Variants in XPO6 observed in about 807,000 individuals in gnomAD.
XPO6 encodes the protein exportin 6.
In XPO6, 3 loss-of-function variants were observed where a neutral mutation model predicts 130.0. The observed-to-expected ratio is 0.02, with a 90% CI of 0.01 to 0.06. The LOEUF (loss-of-function observed/expected upper bound fraction) is 0.06. XPO6 is among the 10% of genes least tolerant of loss of function. XPO6 has a pLI of 1.00. For missense variants in XPO6, 970 were observed against 1,393.0 expected (o/e 0.70, Z 4.83); for synonymous variants, 524 against 548.9 (o/e 0.95, Z 0.63).
chr16:28,162,259 A>G (rs1380979046), intron 6 of XPO6, among the ~76,000 whole-genome samples: 1 of 152,244 alleles, frequency 6.6e-6, no homozygotes, highest in Non-Finnish European at 1.5e-5. Flanking sequence ...TTTCTCCATA[A>G]AAACGATTTT....
intron 4 of XPO6, among the ~76,000 whole-genome samples, chr16:28,175,053 C>T (rs2043512268): frequency 6.6e-6 from 1 of 152,178 alleles, no homozygotes; most frequent in South Asian, 2.1e-4. Flanking sequence ...AAACTGAATT[C>T]ACCATCTTCT....
At chr16:28,167,404 C>T in intron 5 of XPO6, 1 of 984,492 alleles carries the variant, frequency 1.0e-6, no homozygotes, top group Non-Finnish European at 1.2e-6. Flanking sequence ...CAGGCTTCAG[C>T]TCACCCGACA....
At chr16:28,171,985 G>A (rs1022791283) in intron 4 of XPO6, among the ~76,000 whole-genome samples, 5 of 151,816 alleles carry the variant, frequency 3.3e-5, no homozygotes, top group Admixed American at 6.6e-5. Context: ...GAAATGACTC[G>A]TAATGCCAAA....
chr16:28,135,830 C>T (rs192395408), intron 9 of XPO6, among the ~76,000 whole-genome samples: 12 of 152,224 alleles, frequency 7.9e-5, no homozygotes. Context: ...TAAGGAAGGC[C>T]TCATTTTTGC....
chr16:28,158,738 GC>G (rs985265633), intron 6 of XPO6, among the ~76,000 whole-genome samples: 69 of 152,104 alleles, frequency 4.5e-4, no homozygotes, highest in African/African-American at 1.4e-3. Context: ...AAATCATCAG[GC>G]CCCATCCCAC....
intron 5 of XPO6, chr16:28,167,015 C>CTA (rs1400616222): frequency 3.2e-6 from 2 of 616,474 alleles, no homozygotes; most frequent in Non-Finnish European, 4.1e-6. Context: ...CCATCCTCTG[C>CTA]CCATGAGTCA....
rs1349620950 is a variant in XPO6, at chr16:28,132,071, G to A, written c.1606+263C>T. Among the ~76,000 whole-genome samples the A allele has an allele frequency of 1.3e-5, 2 of 152,228 alleles. No homozygotes were observed. Among genetic ancestry groups the A allele is most frequent in the Non-Finnish European group, 2.9e-5 (2 of 68,034 alleles). ...AAGGAAACTAATTAGAGGCTTTTTA[G>A]TAAGTCCTGTCTCTTTACTCCAAAT... On this transcript the variant is annotated intron_variant, in intron 12 of 23. Transcript: ENST00000304658. The surrounding 1 kb of genome is among the most constrained non-coding windows in gnomAD (Gnocchi z 4.0).
intron 11 of XPO6, among the ~76,000 whole-genome samples, chr16:28,133,324 G>C (rs202134274): frequency 3.4e-5 from 5 of 148,596 alleles, no homozygotes; most frequent in Non-Finnish European, 7.5e-5. Flanking sequence ...GGGAGACAGC[G>C]TGAGACTCCG....
intron 17 of XPO6, 193 bp downstream of exon 17, chr16:28,111,624 G>C: frequency 1.8e-6 from 1 of 542,102 alleles, no homozygotes; most frequent in Non-Finnish European, 3.2e-6. Flanking sequence ...CTGGAAATAG[G>C]TCTGGCTGCT....
chr16:28,101,244 A>T lies in XPO6; in HGVS notation c.3276+214T>A. The T allele has an allele frequency of 4.7e-6, 3 of 634,984 alleles. No individual in the cohort carries two copies. The allele number at this position is 634,984 out of a possible 1,614,324, so 39.3% of individuals were successfully genotyped here. On this transcript the variant is annotated intron_variant, in intron 23 of 23. Coordinates refer to ENST00000304658, the MANE Select transcript of XPO6 (RefSeq NM_015171.4). The surrounding 1 kb of genome is among the most constrained non-coding windows in gnomAD (Gnocchi z 5.4). ...GACCTCCATGGCTGAGACTAAGAAC[A>T]TACGTGCTACAGACACCAAGACTGG...
chr16:28,143,994 C>T (rs531275513), intron 9 of XPO6, among the ~76,000 whole-genome samples: 1 of 152,250 alleles, frequency 6.6e-6, no homozygotes, highest in East Asian at 1.9e-4. Flanking sequence ...ATTCTCACAA[C>T]AAGCTTGAGA....
At chr16:28,130,692 G>C (rs1329222680) in intron 12 of XPO6, among the ~76,000 whole-genome samples, 1 of 152,054 alleles carries the variant, frequency 6.6e-6, no homozygotes, top group Non-Finnish European at 1.5e-5. Context: ...GCCGAGTTCT[G>C]TGAAATTGCC....
intron 7 of XPO6, chr16:28,153,467 G>A (rs1034470045): frequency 1.0e-6 from 1 of 984,978 alleles, no homozygotes; most frequent in Non-Finnish European, 1.2e-6. Flanking sequence ...GGCAGAACAG[G>A]ACTATCATCC....
At position 28,107,727 on chromosome 16, in the gene XPO6, T is replaced by C. The variant is rs201944712; in HGVS notation, c.2342-50A>G. The stretch of plus-strand genomic sequence containing the variant: ...TTATAAGCTGTCTGGGGAGAAAGCA[T>C]GGTAAGAGGAGACACAAGGGAGAGG... On this transcript the variant is annotated intron_variant, in intron 17 of 23. Coordinates refer to ENST00000304658, the MANE Select transcript of XPO6 (RefSeq NM_015171.4). 6.9e-6 allele frequency: 11 copies of C among 1,600,950 alleles called. No homozygotes were observed. The African/African-American group carries it at 9.4e-5, about 14-fold the overall frequency.
At chr16:28,208,968 A>T (rs2044079715) in intron 1 of XPO6, 1 of 152,274 alleles carries the variant, frequency 6.6e-6, no homozygotes. Context: ...AGGATATATG[A>T]AATGCAGCAC....
intron 8 of XPO6, among the ~76,000 whole-genome samples, chr16:28,149,779 C>T (rs893026299): frequency 3.0e-4 from 46 of 152,088 alleles, no homozygotes; most frequent in Middle Eastern, 3.2e-3. Context: ...AATTAAGGGA[C>T]GCAACACACG....
intron 8 of XPO6, among the ~76,000 whole-genome samples, chr16:28,147,922 G>C (rs1254832665): frequency 6.6e-6 from 1 of 152,158 alleles, no homozygotes; most frequent in Admixed American, 6.5e-5. Flanking sequence ...CTCCAGCCTG[G>C]ACAACAGAGC....
chr16:28,182,269 G>A (rs575222940), intron 1 of XPO6, among the ~76,000 whole-genome samples: 3 of 152,208 alleles, frequency 2.0e-5, no homozygotes, highest in South Asian at 2.1e-4. Flanking sequence ...GGCCTCCGTC[G>A]GGTGATTGAC....
chr16:28,186,253 T>C (rs1454820699), intron 1 of XPO6, among the ~76,000 whole-genome samples: 2 of 151,988 alleles, frequency 1.3e-5, no homozygotes, highest in Middle Eastern at 3.2e-3. Flanking sequence ...GCCCTAATCA[T>C]CTCCTGCCTA....
Sources: allele counts gnomAD v4.1 joint callset (sites outside exome capture counted in the v4.1 genomes callset), GRCh38; gene constraint gnomAD v4.1.1; non-coding constraint Gnocchi (gnomAD v3.1); transcripts MANE v1.5; gene names NCBI Gene and HGNC (gene_info 2026-07-23, HGNC 2026-07-21).